PTPRG: variants seen among roughly 807,000 people sequenced by gnomAD.
PTPRG encodes protein tyrosine phosphatase receptor type G.
In PTPRG, 102 loss-of-function variants were observed where a neutral mutation model predicts 165.3. That is an observed-to-expected ratio of 0.62 (90% confidence interval 0.53 to 0.73). The LOEUF is 0.73. Ranked by LOEUF, PTPRG falls within the 30% of genes least tolerant of loss-of-function variation. The pLI, the probability that PTPRG is intolerant of heterozygous loss-of-function variation, is 0.00. For synonymous variants in PTPRG, 675 were observed against 669.5 expected (o/e 1.01, Z -0.13); for missense variants, 1,866 against 1,861.4 (o/e 1.00, Z -0.05).
chr3:61,677,285 G>A (rs1053155790), intron 1 of PTPRG, among the ~76,000 whole-genome samples: 11 of 147,934 alleles, frequency 7.4e-5, no homozygotes, highest in Non-Finnish European at 1.6e-4. Context: ...CTCTTCTTAT[G>A]TATGTTTAGT....
intron 1 of PTPRG, among the ~76,000 whole-genome samples, chr3:61,646,817 C>G (rs965552673): frequency 1.3e-5 from 2 of 152,186 alleles, no homozygotes; most frequent in African/African-American, 4.8e-5. Flanking sequence ...TCCCTAACCT[C>G]TAGCAATTAC....
chr3:61,772,566 A>G (rs759855464), intron 2 of PTPRG, among the ~76,000 whole-genome samples: 4 of 152,044 alleles, frequency 2.6e-5, no homozygotes, highest in Non-Finnish European at 1.5e-5. Context: ...ATCTTTGTAC[A>G]TACACTCTTT....
In PTPRG at chr3:62,218,999, C is replaced by G; in HGVS notation, c.2288+16C>G. 6.2e-7 allele frequency: 1 copy of G among 1,612,826 alleles called. No homozygotes were observed. Among genetic ancestry groups the G allele is most frequent in the Middle Eastern group, 1.7e-4 (1 of 6,056 alleles). ...TTTACTGGAGGTAAGCCAGGCAGCA[C>G]CTACAGCGTAGATTTGGGGGCCAGA... On this transcript the variant is annotated intron_variant, in intron 13 of 29. Transcript: ENST00000474889.
At chr3:61,817,036 A>G (rs1286655488) in intron 2 of PTPRG, among the ~76,000 whole-genome samples, 1 of 132,492 alleles carries the variant, frequency 7.5e-6, no homozygotes, top group Non-Finnish European at 1.6e-5. Flanking sequence ...TATATAGTAT[A>G]TAATATATAA....
intron 2 of PTPRG, among the ~76,000 whole-genome samples, chr3:61,872,094 T>C (rs2037601313): frequency 6.6e-6 from 1 of 152,254 alleles, no homozygotes; most frequent in Admixed American, 6.5e-5. Flanking sequence ...GGAAACACTT[T>C]TCAAAATGTC....
intron 5 of PTPRG, among the ~76,000 whole-genome samples, chr3:62,079,101 G>T (rs1415117909): frequency 1.3e-5 from 2 of 152,198 alleles, no homozygotes; most frequent in Non-Finnish European, 2.9e-5. Context: ...AGACATAAGA[G>T]CCTTCTCCAA....
At position 62,271,119 on chromosome 3, in the gene PTPRG, C is replaced by CA. The variant is rs140586541; in HGVS notation, c.3010-256dup. ...CAAGTGCTTTGGATAGTTCCAAATC[C>CA]AAAAAAAACTGATACTAAATGTTCA... On this transcript the variant is annotated intron_variant, in intron 20 of 29. Transcript: ENST00000474889. This position sits in a 1 kb window ranked among gnomAD's most constrained non-coding sequence, Gnocchi z 4.1. 0.086 allele frequency among the ~76,000 whole-genome samples: 13,083 copies of CA among 151,538 alleles called. 751 individuals carry two copies. Among genetic ancestry groups the CA allele is most frequent in the Non-Finnish European group, 0.11 (7,362 of 67,800 alleles).
At chr3:61,626,960 A>C (rs1359171103) in intron 1 of PTPRG, among the ~76,000 whole-genome samples, 1 of 152,202 alleles carries the variant, frequency 6.6e-6, no homozygotes, top group African/African-American at 2.4e-5. Context: ...TCTACACTAC[A>C]AATGATCCTG....
At chr3:61,671,854 C>T (rs1246790970) in intron 1 of PTPRG, among the ~76,000 whole-genome samples, 14 of 142,646 alleles carry the variant, frequency 9.8e-5, no homozygotes, top group African/African-American at 3.5e-4. Context: ...CGGGCAGAGG[C>T]GCCCCTCACC....
chr3:62,284,858 G>C (rs796499256), intron 28 of PTPRG, among the ~76,000 whole-genome samples: 2 of 152,058 alleles, frequency 1.3e-5, no homozygotes, highest in South Asian at 4.1e-4. Context: ...TTACAATCTA[G>C]TGTAAAGTTT....
chr3:61,875,916 C>T (rs1298947687), intron 2 of PTPRG, among the ~76,000 whole-genome samples: 1 of 152,110 alleles, frequency 6.6e-6, no homozygotes, highest in Non-Finnish European at 1.5e-5. Context: ...TCACTGGTTT[C>T]CCACTGGGGA....
At chr3:62,289,997 A>AAACTT (rs1702821434) in intron 28 of PTPRG, among the ~76,000 whole-genome samples, 1 of 152,082 alleles carries the variant, frequency 6.6e-6, no homozygotes, top group Non-Finnish European at 1.5e-5. Context: ...CAAACTATTA[A>AAACTT]AACTTAAGCA....
chr3:62,244,727 T>A (rs1701252269), intron 15 of PTPRG, among the ~76,000 whole-genome samples: 1 of 152,216 alleles, frequency 6.6e-6, no homozygotes, highest in Non-Finnish European at 1.5e-5. Context: ...GCTATTTATT[T>A]TACTTTTTTC....
At chr3:61,798,182 G>A (rs979197555) in intron 2 of PTPRG, among the ~76,000 whole-genome samples, 19 of 152,148 alleles carry the variant, frequency 1.2e-4, no homozygotes, top group Admixed American at 2.0e-4. Flanking sequence ...GTATCATGGG[G>A]AGCTTTTAAA....
chr3:62,224,986 TA>T lies in PTPRG; in HGVS notation c.2288+6008del. Among the ~76,000 whole-genome samples the T allele has an allele frequency of 6.6e-6, 1 of 152,244 alleles. No individual in the cohort carries two copies. Among genetic ancestry groups the T allele is most frequent in the Admixed American group, 6.5e-5 (1 of 15,302 alleles). On this transcript the variant is annotated intron_variant, in intron 13 of 29. Transcript: ENST00000474889. The surrounding 1 kb of genome is among the most constrained non-coding windows in gnomAD (Gnocchi z 4.9). The stretch of plus-strand genomic sequence containing the variant: ...AGGGGCAGGGTTGTGAGGCAGATAA[TA>T]AAAATAAAATCAACTAACAGTTACA...
chr3:62,136,568 G>A (rs915926743), intron 6 of PTPRG, among the ~76,000 whole-genome samples: 2 of 152,146 alleles, frequency 1.3e-5, no homozygotes, highest in Non-Finnish European at 2.9e-5. Context: ...TGACTGATAC[G>A]GTTTGGCTGT....
At chr3:61,595,377 G>A (rs760128323) in intron 1 of PTPRG, among the ~76,000 whole-genome samples, 10 of 152,158 alleles carry the variant, frequency 6.6e-5, no homozygotes, top group Non-Finnish European at 1.3e-4. Context: ...GTAAGACTCT[G>A]GGGACTCTAA....
At chr3:62,107,169 A>G (rs9817164) in intron 5 of PTPRG, among the ~76,000 whole-genome samples, 109,256 of 152,098 alleles carry the variant, frequency 0.72, 39,548 homozygotes, top group Middle Eastern at 0.79. Flanking sequence ...CATCCCTGTT[A>G]AGAATTATGT....
Position 61,621,051 on chromosome 3 carries a change from A to ATATATATATATATGTATGTGTGTGTGTG in PTPRG, c.85+58680_85+58681insATATATATATATGTATGTGTGTGTGTGT. On this transcript the variant is annotated intron_variant, in intron 1 of 29. Transcript: ENST00000474889. The stretch of plus-strand genomic sequence containing the variant: ...TGTGTGTGTATATATATATATATAT[A>ATATATATATATATGTATGTGTGTGTGTG]TGTGTGTGTGTGTGTGTGTGTGTGT... Among the ~76,000 whole-genome samples the ATATATATATATATGTATGTGTGTGTGTG allele has an allele frequency of 2.5e-5, 3 of 117,948 alleles. No homozygotes were observed. In the Admixed American group the frequency reaches 2.8e-4, roughly 11 times the overall value. 77.4% of individuals were successfully genotyped at this position (117,948 alleles called of 152,430 possible).
Sources: gnomAD v4.1 joint callset for allele counts (sites outside exome capture counted in the v4.1 genomes callset) on GRCh38, gnomAD v4.1.1 for gene constraint, Gnocchi (gnomAD v3.1) non-coding constraint, MANE v1.5 for transcripts, NCBI Gene and HGNC (gene_info 2026-07-23, HGNC 2026-07-21) for gene names.